RAP1A: variants seen among roughly 807,000 people sequenced by gnomAD.
RAP1A encodes ras-related protein Rap-1A.
A neutral mutation model predicts 26.4 loss-of-function variants in RAP1A; 6 were observed. That is an observed-to-expected ratio of 0.23 (90% CI 0.12 to 0.45). The LOEUF (loss-of-function observed/expected upper bound fraction) is 0.45. Ranked by LOEUF, RAP1A falls within the 20% of genes least tolerant of loss-of-function variation. RAP1A has a pLI of 0.99. For synonymous variants in RAP1A, 73 were observed against 79.4 expected (o/e 0.92, Z 0.43); for missense variants, 121 against 217.2 (o/e 0.56, Z 2.78).
At chr1:111,556,687 G>A (rs190026003) in intron 1 of RAP1A, among the ~76,000 whole-genome samples, 61 of 152,236 alleles carry the variant, frequency 4.0e-4, no homozygotes, top group Non-Finnish European at 7.4e-4. Context: ...TTTATATGAG[G>A]TACTTAGAAT....
intron 4 of RAP1A, among the ~76,000 whole-genome samples, chr1:111,699,014 G>A (rs901389059): frequency 6.6e-6 from 1 of 151,646 alleles, no homozygotes; most frequent in African/African-American, 2.4e-5. Context: ...TAAGAAGGAA[G>A]TTCTCTATCA....
chr1:111,612,013 G>GTTT (rs36008061), intron 1 of RAP1A, among the ~76,000 whole-genome samples: 2 of 144,104 alleles, frequency 1.4e-5, no homozygotes, highest in Admixed American at 6.8e-5. Flanking sequence ...ACGTGCTTGA[G>GTTT]TTTTTTTTTT....
At chr1:111,563,197 C>G (rs1657812346) in intron 1 of RAP1A, among the ~76,000 whole-genome samples, 1 of 152,012 alleles carries the variant, frequency 6.6e-6, no homozygotes, top group African/African-American at 2.4e-5. Context: ...ATCGATTTAG[C>G]CCAGGAGGTT....
At chr1:111,643,288 C>A (rs1659951520) in intron 1 of RAP1A, among the ~76,000 whole-genome samples, 1 of 152,162 alleles carries the variant, frequency 6.6e-6, no homozygotes, top group Admixed American at 6.5e-5. Flanking sequence ...GACAGTGGCC[C>A]AGATTTGGCC....
Position 111,657,477 on chromosome 1 carries a change from C to G in RAP1A, c.-27-33857C>G, listed in dbSNP as rs1052279435. 2.5e-4 allele frequency among the ~76,000 whole-genome samples: 38 copies of G among 152,126 alleles called. 1 individual carries two copies. The highest frequency in any genetic ancestry group is 8.9e-4 in the African/African-American group (37 of 41,432). On this transcript the variant is annotated intron_variant, in intron 1 of 7. Transcript: ENST00000369709. The stretch of plus-strand genomic sequence containing the variant: ...ATACTCAACCTGTAGTCCAATTTAT[C>G]TATTTTTTTCTTTTGTTGCCTGTGC...
chr1:111,645,781 A>G (rs1980767), intron 1 of RAP1A, among the ~76,000 whole-genome samples: 12,459 of 152,282 alleles, frequency 0.082, 649 homozygotes, highest in African/African-American at 0.16. Context: ...AGTAAGTGGC[A>G]GAACTGGGCT....
chr1:111,635,396 A>G (rs1250490242), intron 1 of RAP1A, among the ~76,000 whole-genome samples: 1 of 152,254 alleles, frequency 6.6e-6, no homozygotes, highest in Non-Finnish European at 1.5e-5. Context: ...AAAAGTTTGC[A>G]TGTAGTGCCT....
At chr1:111,648,620 C>G (rs2101130978) in intron 1 of RAP1A, 3 of 523,930 alleles carry the variant, frequency 5.7e-6, no homozygotes, top group East Asian at 4.5e-5. Flanking sequence ...TCAGTCTGTT[C>G]TACAAACTGG....
chr1:111,649,175 G>A (rs545129097), intron 1 of RAP1A: 98 of 534,854 alleles, frequency 1.8e-4, no homozygotes, highest in African/African-American at 1.7e-3. Flanking sequence ...GAGCTCTCAC[G>A]TCCTCGATGG....
rs144510337 is a variant in RAP1A, at chr1:111,630,033, C to T, written c.-28+10099C>T. Among the ~76,000 whole-genome samples, 1,223 of 152,268 alleles carry T rather than the reference C, an allele frequency of 8.0e-3. 22 individuals carry two copies. Among genetic ancestry groups the T allele is most frequent in the African/African-American group, 0.028 (1,179 of 41,560 alleles). On this transcript the variant is annotated intron_variant, in intron 1 of 7. Transcript: ENST00000369709. ...GCCACTATGATGGCCTGTTGTCTTACATTTTTAGAAACTTGCTTGCATCTT... is the reference window on the plus strand; with the variant it reads ...GCCACTATGATGGCCTGTTGTCTTATATTTTTAGAAACTTGCTTGCATCTT...
intron 1 of RAP1A, among the ~76,000 whole-genome samples, chr1:111,555,687 T>C (rs11803249): frequency 0.36 from 54,448 of 151,974 alleles, 10,379 homozygotes; most frequent in Non-Finnish European, 0.44. Context: ...TTTCAACAAA[T>C]GGTGTTGGGA....
intron 1 of RAP1A, chr1:111,648,780 T>C (rs1660164579): frequency 4.7e-6 from 3 of 634,100 alleles, no homozygotes; most frequent in Admixed American, 3.9e-5. Flanking sequence ...CCAGTACTTG[T>C]CTAGCTCCTG....
chr1:111,671,634 G>C (rs2477428), intron 1 of RAP1A, among the ~76,000 whole-genome samples: 62,818 of 151,808 alleles, frequency 0.41, 13,224 homozygotes, highest in African/African-American at 0.49. Context: ...GCCACCACAC[G>C]TGGCTAATTT....
intron 1 of RAP1A, among the ~76,000 whole-genome samples, chr1:111,612,812 A>G (rs1658946336): frequency 6.6e-6 from 1 of 152,232 alleles, no homozygotes; most frequent in Non-Finnish European, 1.5e-5. Context: ...TCTATAACCC[A>G]AGAATAGAAT....
chr1:111,660,794 T>G (rs1279971862), intron 1 of RAP1A, among the ~76,000 whole-genome samples: 1 of 152,226 alleles, frequency 6.6e-6, no homozygotes, highest in African/African-American at 2.4e-5. Context: ...TTACCTTCTC[T>G]TCTCCTAATG....
At chr1:111,614,131 G>C (rs1004859187) in intron 1 of RAP1A, among the ~76,000 whole-genome samples, 2 of 152,194 alleles carry the variant, frequency 1.3e-5, no homozygotes, top group African/African-American at 4.8e-5. Context: ...ACCAGTTTGA[G>C]GCCTTGCTAA....
chr1:111,586,017 C>T (rs1658358990), intron 1 of RAP1A, among the ~76,000 whole-genome samples: 1 of 152,124 alleles, frequency 6.6e-6, no homozygotes, highest in Admixed American at 6.5e-5. Flanking sequence ...AATAAAACAA[C>T]ACAATTTTGC....
At chr1:111,584,410 G>A (rs1264637545) in intron 1 of RAP1A, among the ~76,000 whole-genome samples, 1 of 152,164 alleles carries the variant, frequency 6.6e-6, no homozygotes, top group Non-Finnish European at 1.5e-5. Flanking sequence ...AGCAGACTCA[G>A]CATCTAGTGA....
chr1:111,620,366 C>T (rs192685342), intron 1 of RAP1A, among the ~76,000 whole-genome samples: 43 of 152,364 alleles, frequency 2.8e-4, no homozygotes, highest in African/African-American at 1.0e-3. Flanking sequence ...TCGCTGCCTT[C>T]CTCCTCTTGC....
Sources: gnomAD v4.1 joint callset for allele counts (sites outside exome capture counted in the v4.1 genomes callset) on GRCh38, gnomAD v4.1.1 for gene constraint, MANE v1.5 for transcripts, NCBI Gene and HGNC (gene_info 2026-07-23, HGNC 2026-07-21) for gene names.